TENM2: variants seen among roughly 807,000 people sequenced by gnomAD.
TENM2 encodes the protein teneurin-2.
Under a neutral mutation model 245.2 loss-of-function variants are expected in TENM2, and 52 were observed. The ratio of observed to expected loss-of-function variants is 0.21; its 90% CI spans 0.17 to 0.27. The LOEUF (loss-of-function observed/expected upper bound fraction) is 0.27. Ranked by LOEUF, TENM2 falls within the 10% of genes least tolerant of loss-of-function variation. The probability of loss-of-function intolerance (pLI) is 1.00; values close to 1 mark genes in which losing one functional copy is unlikely to be tolerated. For synonymous variants in TENM2, 1,363 were observed against 1,438.9 expected, an observed-to-expected ratio of 0.95 and a Z score of 1.19; for missense variants, 3,046 against 3,666.8, an observed-to-expected ratio of 0.83 and a Z score of 4.37.
chr5:167,521,905 CAAG>C (rs1770779564), intron 2 of TENM2, among the ~76,000 whole-genome samples: 1 of 151,974 alleles, frequency 6.6e-6, no homozygotes, highest in African/African-American at 2.4e-5. Context: ...TTTCTCTTAC[CAAG>C]AAGAACACTG....
chr5:167,652,785 C>T (rs1388372438), intron 2 of TENM2, among the ~76,000 whole-genome samples: 2 of 152,152 alleles, frequency 1.3e-5, no homozygotes, highest in Non-Finnish European at 2.9e-5. Flanking sequence ...TCTTTCGGAC[C>T]TGAAATAGTG....
At chr5:167,561,630 G>C (rs1016718572) in intron 2 of TENM2, among the ~76,000 whole-genome samples, 2 of 152,168 alleles carry the variant, frequency 1.3e-5, no homozygotes, top group African/African-American at 4.8e-5. Flanking sequence ...TCCCAAGAAG[G>C]TATTAATTTC....
chr5:167,577,054 C>T (rs941395170), intron 2 of TENM2, among the ~76,000 whole-genome samples: 1 of 152,050 alleles, frequency 6.6e-6, no homozygotes, highest in African/African-American at 2.4e-5. Context: ...CTGAGGGGAC[C>T]CACGCTGGAA....
intron 1 of TENM2, among the ~76,000 whole-genome samples, chr5:167,306,060 A>G (rs1353491054): frequency 6.6e-6 from 1 of 152,194 alleles, no homozygotes; most frequent in African/African-American, 2.4e-5. Context: ...AAAGCTACCC[A>G]GGGTTGCTTA....
At chr5:167,887,486 T>C (rs1034350708) in intron 3 of TENM2, among the ~76,000 whole-genome samples, 2 of 152,222 alleles carry the variant, frequency 1.3e-5, no homozygotes, top group African/African-American at 4.8e-5. Flanking sequence ...TCTGAGACCA[T>C]CTGTGATTGT....
chr5:167,381,391 G>A (rs532970029), intron 2 of TENM2, among the ~76,000 whole-genome samples: 1 of 152,232 alleles, frequency 6.6e-6, no homozygotes, highest in South Asian at 2.1e-4. Context: ...AGTGGCTTAT[G>A]GGATATTTAA....
At chr5:167,889,265 A>G (rs1000301857) in intron 3 of TENM2, among the ~76,000 whole-genome samples, 4 of 152,042 alleles carry the variant, frequency 2.6e-5, no homozygotes, top group African/African-American at 9.7e-5. Context: ...TGCGTAAGTT[A>G]TAACCTTGCA....
chr5:167,296,256 A>G (rs1278719800), intron 1 of TENM2: 1 of 152,180 alleles, frequency 6.6e-6, no homozygotes, highest in East Asian at 1.9e-4. Context: ...GCACTGGGCA[A>G]TTGCGGTCCC....
At chr5:167,465,478 A>T (rs1267594507) in intron 2 of TENM2, among the ~76,000 whole-genome samples, 1 of 152,152 alleles carries the variant, frequency 6.6e-6, no homozygotes. Context: ...GGGACTCTCT[A>T]TCCATCCTAT....
the TENM2 span, among the ~76,000 whole-genome samples, chr5:167,199,097 T>TAAAAAAAAAAAAA: frequency 1.3e-5 from 1 of 79,318 alleles, no homozygotes; most frequent in African/African-American, 4.5e-5. Flanking sequence ...TGATATGAAG[T>TAAAAAAAAAAAAA]AAAAAAAAAA....
intron 2 of TENM2, among the ~76,000 whole-genome samples, chr5:167,479,272 A>G (rs1033928969): frequency 6.6e-6 from 1 of 152,172 alleles, no homozygotes. Context: ...TCCCTAAACT[A>G]CTCAGTTAAA....
chr5:167,245,943 A>G, the TENM2 span, among the ~76,000 whole-genome samples: 7 of 152,172 alleles, frequency 4.6e-5, no homozygotes, highest in African/African-American at 1.7e-4. Flanking sequence ...AAACTGGGGT[A>G]CTCAGTCACA....
chr5:168,239,237 A>G (rs1310164800), intron 25 of TENM2, among the ~76,000 whole-genome samples: 1 of 152,200 alleles, frequency 6.6e-6, no homozygotes, highest in African/African-American at 2.4e-5. Context: ...TGATTAGATT[A>G]CACAACTGGC....
chr5:168,232,823 A>AGAT (rs1344976173), intron 25 of TENM2, among the ~76,000 whole-genome samples: 2 of 152,372 alleles, frequency 1.3e-5, no homozygotes, highest in South Asian at 4.1e-4. Context: ...GGGAAATGTA[A>AGAT]GATGATGGCG....
chr5:167,950,821 A>C (rs1034038021), intron 3 of TENM2, among the ~76,000 whole-genome samples: 27 of 152,326 alleles, frequency 1.8e-4, no homozygotes, highest in African/African-American at 6.5e-4. Context: ...TGCTACAGCT[A>C]TGAAACTCTC....
At chr5:167,828,441 T>G (rs976296604) in intron 2 of TENM2, among the ~76,000 whole-genome samples, 1 of 152,240 alleles carries the variant, frequency 6.6e-6, no homozygotes, top group Non-Finnish European at 1.5e-5. Context: ...TTTTTAGTTA[T>G]AATTTTCCTT....
intron 2 of TENM2, among the ~76,000 whole-genome samples, chr5:167,643,450 AG>A (rs1779736928): frequency 6.6e-6 from 1 of 152,150 alleles, no homozygotes; most frequent in African/African-American, 2.4e-5. Flanking sequence ...AGCCTGCGTC[AG>A]TGGTTCATTT....
At chr5:167,532,479 G>A (rs1205202931) in intron 2 of TENM2, among the ~76,000 whole-genome samples, 6 of 152,162 alleles carry the variant, frequency 3.9e-5, no homozygotes, top group East Asian at 3.9e-4. Context: ...CACGTCTTAC[G>A]TGGATGGCAG....
chr5:167,170,949 T>C, the TENM2 span, among the ~76,000 whole-genome samples: 1 of 152,256 alleles, frequency 6.6e-6, no homozygotes, highest in African/African-American at 2.4e-5. Flanking sequence ...TTATCACTTT[T>C]GATTCTCCTC....
Sources: gnomAD v4.1 joint callset for allele counts (sites outside exome capture counted in the v4.1 genomes callset) on GRCh38, gnomAD v4.1.1 for gene constraint, MANE v1.5 for transcripts, NCBI Gene and HGNC (gene_info 2026-07-23, HGNC 2026-07-21) for gene names.